Variants in CDH2 observed in about 807,000 individuals in gnomAD.
The protein encoded by CDH2 is cadherin-2.
In CDH2, 17 loss-of-function variants were observed where a neutral mutation model predicts 92.0. The observed-to-expected ratio is 0.18, with a 90% CI of 0.13 to 0.28. CDH2 has a LOEUF of 0.28. CDH2 is among the 10% of genes least tolerant of loss of function. The pLI, the probability that CDH2 is intolerant of heterozygous loss-of-function variation, is 1.00. For missense variants in CDH2, 862 were observed against 1,133.1 expected, an observed-to-expected ratio of 0.76 and a Z score of 3.44; for synonymous variants, 419 against 415.9, an observed-to-expected ratio of 1.01 and a Z score of -0.09.
intron 2 of CDH2, among the ~76,000 whole-genome samples, chr18:28,081,315 C>A (rs1033009993): frequency 1.3e-5 from 2 of 152,158 alleles, no homozygotes; most frequent in African/African-American, 4.8e-5. Context: ...CAGATCCCAT[C>A]ATATACACTG....
chr18:28,155,690 G>A (rs966878410), intron 1 of CDH2, among the ~76,000 whole-genome samples: 6 of 152,178 alleles, frequency 3.9e-5, no homozygotes, highest in African/African-American at 1.2e-4. Context: ...CACTGTTAAC[G>A]TCGTTAGTTG....
At chr18:27,965,109 C>G (rs2011502847) in intron 14 of CDH2, among the ~76,000 whole-genome samples, 1 of 152,154 alleles carries the variant, frequency 6.6e-6, no homozygotes, top group Non-Finnish European at 1.5e-5. Flanking sequence ...GGTGGAGAAA[C>G]AGGTTGAGTA....
At chr18:28,145,875 C>A (rs1330303337) in intron 2 of CDH2, among the ~76,000 whole-genome samples, 1 of 151,736 alleles carries the variant, frequency 6.6e-6, no homozygotes, top group African/African-American at 2.4e-5. Context: ...AGTGGATATA[C>A]CAAAACTGTA....
chr18:28,041,604 G>A (rs2013949230), intron 2 of CDH2, among the ~76,000 whole-genome samples: 1 of 152,198 alleles, frequency 6.6e-6, no homozygotes, highest in African/African-American at 2.4e-5. Context: ...CAGACTCAAA[G>A]AGATTAGGGT....
intron 6 of CDH2, among the ~76,000 whole-genome samples, chr18:27,941,286 C>T (rs893370040): frequency 3.3e-5 from 5 of 152,208 alleles, no homozygotes; most frequent in South Asian, 2.1e-4. Flanking sequence ...CCGCCCGTCT[C>T]GGCCTCCTAA....
intron 2 of CDH2, among the ~76,000 whole-genome samples, chr18:28,095,683 G>A (rs1003273751): frequency 2.0e-5 from 3 of 151,724 alleles, no homozygotes; most frequent in African/African-American, 7.3e-5. Flanking sequence ...GATGGCACAC[G>A]CTAGTGGTCC....
intron 14 of CDH2, among the ~76,000 whole-genome samples, chr18:27,974,147 G>A (rs1272428907): frequency 1.3e-5 from 2 of 152,038 alleles, no homozygotes; most frequent in African/African-American, 2.4e-5. Context: ...ATATAAAACT[G>A]TCTTAGAAAA....
intron 2 of CDH2, among the ~76,000 whole-genome samples, chr18:28,018,681 T>C (rs17493765): frequency 6.6e-6 from 1 of 151,804 alleles, no homozygotes; most frequent in African/African-American, 2.4e-5. Flanking sequence ...GATGTTGGCA[T>C]GGATGTGGTG....
intron 14 of CDH2, among the ~76,000 whole-genome samples, chr18:27,980,479 G>A (rs934297726): frequency 1.6e-4 from 24 of 152,208 alleles, no homozygotes; most frequent in African/African-American, 5.3e-4. Flanking sequence ...AGGAGAAAGA[G>A]CCTTGGTGTG....
At chr18:28,014,700 T>C (rs1437036917) in intron 2 of CDH2, among the ~76,000 whole-genome samples, 1 of 151,824 alleles carries the variant, frequency 6.6e-6, no homozygotes, top group Non-Finnish European at 1.5e-5. Flanking sequence ...ATGTGTCTTA[T>C]CTCTATCATA....
intron 5 of CDH2, among the ~76,000 whole-genome samples, chr18:28,007,052 T>C (rs2012945364): frequency 6.7e-6 from 1 of 149,848 alleles, no homozygotes; most frequent in South Asian, 2.1e-4. Flanking sequence ...TCCCAGCTAC[T>C]CAGAGGCTGA....
intron 2 of CDH2, among the ~76,000 whole-genome samples, chr18:28,091,079 G>T (rs532278210): frequency 6.6e-6 from 1 of 152,320 alleles, no homozygotes; most frequent in South Asian, 2.1e-4. Flanking sequence ...GGACAAAGTT[G>T]TCAAAATGAA....
intron 2 of CDH2, among the ~76,000 whole-genome samples, chr18:28,137,115 TA>T (rs2015875698): frequency 6.6e-6 from 1 of 152,096 alleles, no homozygotes; most frequent in Non-Finnish European, 1.5e-5. Flanking sequence ...TTAGTACAAT[TA>T]AAATCTGATG....
intron 2 of CDH2, among the ~76,000 whole-genome samples, chr18:28,060,975 T>C (rs2014391679): frequency 6.6e-6 from 1 of 152,222 alleles, no homozygotes. Context: ...CATACCAATC[T>C]TACACCTCTG....
intron 5 of CDH2, among the ~76,000 whole-genome samples, chr18:28,007,381 T>C (rs929195352): frequency 6.6e-6 from 1 of 151,822 alleles, no homozygotes; most frequent in Non-Finnish European, 1.5e-5. Flanking sequence ...TTAGTGCTCC[T>C]TTAATTGTTT....
intron 2 of CDH2, among the ~76,000 whole-genome samples, chr18:28,123,657 CA>C (rs2144276824): frequency 6.6e-6 from 1 of 152,240 alleles, no homozygotes; most frequent in Non-Finnish European, 1.5e-5. Context: ...GAAAAACAGA[CA>C]CCTTCCTACC....
Position 28,026,481 on chromosome 18 carries a change from C to G in CDH2, c.173-12572G>C, listed in dbSNP as rs147972253. The stretch of plus-strand genomic sequence containing the variant: ...TATAGACAGCCTTCCAGGGATCACA[C>G]CAGAATGACAGAGGTATCAAGGGTA... On this transcript the variant is annotated intron_variant, in intron 2 of 15. Transcript: ENST00000269141. Among the ~76,000 whole-genome samples the G allele has an allele frequency of 2.6e-5, 4 of 152,208 alleles. No homozygotes were observed. The South Asian group carries it at 8.3e-4, about 32-fold the overall frequency.
chr18:27,977,851 G>A (rs964706323), intron 14 of CDH2, among the ~76,000 whole-genome samples: 1 of 152,114 alleles, frequency 6.6e-6, no homozygotes, highest in Admixed American at 6.5e-5. Flanking sequence ...ACACCTGAAG[G>A]TACACACAGG....
Position 28,122,664 on chromosome 18 carries a change from T to C in CDH2, c.172+25009A>G, listed in dbSNP as rs142203611. ...AACAAGTTAGCACGAAGATTTCTAA[T>C]TATAAAACACTAAGAAATAAACTCT... On this transcript the variant is annotated intron_variant, in intron 2 of 15. Transcript: ENST00000269141. 1.6e-4 allele frequency among the ~76,000 whole-genome samples: 24 copies of C among 152,278 alleles called. No individual in the cohort carries two copies. In the East Asian group the frequency reaches 4.4e-3, roughly 28 times the overall value.
Sources: allele counts gnomAD v4.1 joint callset (sites outside exome capture counted in the v4.1 genomes callset), GRCh38; gene constraint gnomAD v4.1.1; transcripts MANE v1.5; gene names NCBI Gene and HGNC (gene_info 2026-07-23, HGNC 2026-07-21).